Variants in LLGL1 observed in about 807,000 individuals in gnomAD.
LLGL1 encodes LLGL scribble cell polarity complex component 1.
A neutral mutation model predicts 110.6 loss-of-function variants in LLGL1; 58 were observed. That is an observed-to-expected ratio of 0.52 (90% CI 0.42 to 0.65). The LOEUF (loss-of-function observed/expected upper bound fraction) is 0.65. LLGL1 is among the 30% of genes least tolerant of loss of function. LLGL1 has a pLI of 0.00. For missense variants in LLGL1, 1,229 were observed against 1,462.1 expected, an observed-to-expected ratio of 0.84 and a Z score of 2.60; for synonymous variants, 674 against 607.2, an observed-to-expected ratio of 1.11 and a Z score of -1.62.
Position 18,242,839 on chromosome 17 carries a change from G to A in LLGL1, c.*1+17G>A. 3 of 1,540,290 alleles carry A rather than the reference G, an allele frequency of 1.9e-6. No individual in the cohort carries two copies. In the South Asian group the frequency reaches 3.6e-5, roughly 19 times the overall value. On this transcript the variant is annotated intron_variant, in intron 22 of 22. Coordinates refer to ENST00000316843, the MANE Select transcript of LLGL1 (RefSeq NM_004140.4). ...TCAAATGAGGTGCTGCAGGGGTGGG[G>A]CCCTGGTCCTCACCACTGGTGACGT...
chr17:18,236,791 G>T, intron 12 of LLGL1, 31 bp downstream of exon 12: 1 of 1,612,666 alleles, frequency 6.2e-7, no homozygotes, highest in Non-Finnish European at 8.5e-7. Context: ...TGATGAGCTG[G>T]TCCTGACCCC....
In LLGL1 at chr17:18,225,645, C is replaced by T. The variant is rs1000506511; in HGVS notation, c.-38C>T. 463 of 875,040 alleles carry T rather than the reference C, an allele frequency of 5.3e-4. 1 individual carries two copies. In the African/African-American group the frequency reaches 7.8e-3, roughly 15 times the overall value. 54.2% of individuals were successfully genotyped at this position (875,040 alleles called of 1,614,324 possible). On this transcript the variant is annotated 5_prime_UTR_variant, in exon 1 of 23. Transcript: ENST00000316843. ...GGGGCCGCGCGGCGCATCCTGCGGG[C>T]GGCGGCGGCGGGCGAGGCGCCTGCA...
At position 18,240,931 on chromosome 17, in the gene LLGL1, AT is replaced by A; in HGVS notation, c.2502+59del. ...GGACTCCCCTCCAGGCCCCAACCTC[AT>A]GGACACCATTGGACCCTCAAGAAAC... On this transcript the variant is annotated intron_variant, in intron 17 of 22. Coordinates refer to ENST00000316843, the MANE Select transcript of LLGL1 (RefSeq NM_004140.4). The surrounding 1 kb of genome is among the most constrained non-coding windows in gnomAD (Gnocchi z 5.3). 2 of 1,449,406 alleles carry A rather than the reference AT, an allele frequency of 1.4e-6. No homozygotes were observed. The highest frequency in any genetic ancestry group is 1.8e-6 in the Non-Finnish European group (2 of 1,085,194). The allele number at this position is 1,449,406 out of a possible 1,614,324, so 89.8% of individuals were successfully genotyped here.
chr17:18,232,567 G>C lies in LLGL1; in HGVS notation c.252G>C (p.Leu84Phe). The C allele has an allele frequency of 1.9e-6, 3 of 1,614,086 alleles. No individual in the cohort carries two copies. Among genetic ancestry groups the C allele is most frequent in the Non-Finnish European group, 2.5e-6 (3 of 1,179,994 alleles). Residue 84 changes from leucine to phenylalanine, a missense_variant, in exon 3 of 23, where the codon TTG becomes TTC. Transcript: ENST00000316843. ...CCACTGTCACACAGATGCACTTCTT[G>C]ACCGGCCAGGTGAGCCTCTGCTTCC... ...DAATVTQMHF[L>F]TGQGRLLSLL...
intron 1 of LLGL1, among the ~76,000 whole-genome samples, chr17:18,226,886 T>C (rs889160934): frequency 1.3e-5 from 2 of 152,272 alleles, no homozygotes; most frequent in Admixed American, 1.3e-4. Flanking sequence ...CTCTCAGTGC[T>C]CTTCGAAATT....
At chr17:18,230,084 G>A (rs899876098) in intron 2 of LLGL1, 46 bp downstream of exon 2, 2 of 1,435,594 alleles carry the variant, frequency 1.4e-6, no homozygotes, top group Admixed American at 1.7e-5. Context: ...AGGACCACCT[G>A]CCTGTAGTTC....
At position 18,240,754 on chromosome 17, in the gene LLGL1, G is replaced by A. The variant is rs371253354; in HGVS notation, c.2383G>A (p.Val795Met). Residue 795 changes from valine to methionine, a missense_variant, in exon 17 of 23, where the codon GTG becomes ATG. By Grantham distance (21) the Val-to-Met change is conservative. Coordinates refer to ENST00000316843, the MANE Select transcript of LLGL1 (RefSeq NM_004140.4). This position sits in a 1 kb window ranked among gnomAD's most constrained non-coding sequence, Gnocchi z 5.3. Reference sequence around the variant, plus strand: ...CCGGGCGCCTGTGGTGGCCATTGCCGTGTTGGACGGGCGTGGCCGCCCACT... The same window carrying A: ...CCGGGCGCCTGTGGTGGCCATTGCCATGTTGGACGGGCGTGGCCGCCCACT... ...MHRAPVVAIA[V>M]LDGRGRPLPE... 8.7e-6 allele frequency: 14 copies of A among 1,610,790 alleles called. No individual in the cohort carries two copies. The highest frequency in any genetic ancestry group is 1.7e-5 in the Admixed American group (1 of 59,638).
At chr17:18,235,880 C>T (rs988253050) in intron 11 of LLGL1, 5 of 291,902 alleles carry the variant, frequency 1.7e-5, no homozygotes, top group Non-Finnish European at 2.6e-5. Context: ...CGCTGACGTG[C>T]CCAGTGACTC....
chr17:18,226,267 G>C (rs912664072), intron 1 of LLGL1, among the ~76,000 whole-genome samples: 2 of 152,104 alleles, frequency 1.3e-5, no homozygotes, highest in Admixed American at 6.5e-5. Flanking sequence ...CTCTCTCTCT[G>C]TCTCTGTGGA....
At position 18,226,350 on chromosome 17, in the gene LLGL1, G is replaced by C. The variant is rs556177607; in HGVS notation, c.81+587G>C. Among the ~76,000 whole-genome samples the C allele has an allele frequency of 2.0e-4, 31 of 152,230 alleles. No homozygotes were observed. The South Asian group carries it at 6.4e-3, about 32-fold the overall frequency. ...AGGGGCTCCATTGCGTCCCTGCTCG[G>C]CCCTTGGGACAGCCCTGGGGCCCGG... On this transcript the variant is annotated intron_variant, in intron 1 of 22. Transcript: ENST00000316843.
chr17:18,232,669 C>T lies in LLGL1; in HGVS notation c.262-3C>T. Reference sequence around the variant, plus strand: ...CTAGTTTTCATCTCTGCTCACACACCAGGGCCGCCTCCTGTCCCTGCTTGA... The same window carrying T: ...CTAGTTTTCATCTCTGCTCACACACTAGGGCCGCCTCCTGTCCCTGCTTGA... On this transcript the variant is annotated splice_polypyrimidine_tract_variant and splice_region_variant and intron_variant, in intron 3 of 22. Transcript: ENST00000316843. 1.2e-6 allele frequency: 2 copies of T among 1,614,192 alleles called. No homozygotes were observed. Among genetic ancestry groups the T allele is most frequent in the Non-Finnish European group, 1.7e-6 (2 of 1,180,002 alleles).
rs371026248 is a variant in LLGL1, at chr17:18,240,661, G to A, written c.2290G>A (p.Val764Met). The change falls in exon 17 of 23, where the codon GTG becomes ATG. Residue 764 changes from valine to methionine, a missense_variant. By Grantham distance (21) the Val-to-Met change is conservative. Coordinates refer to ENST00000316843, the MANE Select transcript of LLGL1 (RefSeq NM_004140.4). This position sits in a 1 kb window ranked among gnomAD's most constrained non-coding sequence, Gnocchi z 5.3. ...TGCACTGGAGGTGCCGGCAGCAGCA[G>A]TGGGTGGTGAGAAGCGGCCTGAGCA... ...AYALEVPAAA[V>M]GGEKRPEQAV... is the part of the protein sequence containing the mutation. 6.2e-7 allele frequency: 1 copy of A among 1,613,220 alleles called. No homozygotes were observed. Among genetic ancestry groups the A allele is most frequent in the Admixed American group, 1.7e-5 (1 of 60,022 alleles).
In LLGL1 at chr17:18,240,615, C is replaced by T. The variant is rs2047807298; in HGVS notation, c.2244C>T (p.Asn748=). ...HHGPTMWAGT[N]SGSVFAYALE... ...GGCCCACCATGTGGGCTGGCACCAA[C>T]TCAGGCTCTGTGTTCGCCTATGCAC... Residue 748 remains asparagine, a synonymous_variant, in exon 17 of 23, where the codon AAC becomes AAT. Transcript: ENST00000316843. The surrounding 1 kb of genome is among the most constrained non-coding windows in gnomAD (Gnocchi z 5.3). The T allele has an allele frequency of 5.0e-6, 8 of 1,608,586 alleles. No homozygotes were observed. The highest frequency in any genetic ancestry group is 6.8e-6 in the Non-Finnish European group (8 of 1,176,694).
intron 1 of LLGL1, among the ~76,000 whole-genome samples, chr17:18,229,139 G>A (rs370150624): frequency 1.6e-4 from 25 of 152,318 alleles, no homozygotes; most frequent in African/African-American, 5.5e-4. Flanking sequence ...GAGCTCAGCT[G>A]TGCAGGCTTC....
chr17:18,236,316 G>C (rs2142640729), intron 11 of LLGL1: 1 of 419,044 alleles, frequency 2.4e-6, no homozygotes, highest in Admixed American at 4.0e-5. Context: ...AAAGTCCTCT[G>C]TTCTCTACAT....
chr17:18,237,958 C>A, intron 14 of LLGL1, 109 bp from the exon 15 acceptor site: 1 of 1,394,424 alleles, frequency 7.2e-7, no homozygotes, highest in Non-Finnish European at 9.8e-7. Flanking sequence ...TAGGACTGCG[C>A]CAGAGGGGCT....
chr17:18,229,796 C>T (rs904407955), intron 1 of LLGL1, 145 bp from the exon 2 acceptor site: 6 of 617,888 alleles, frequency 9.7e-6, no homozygotes, highest in Non-Finnish European at 1.7e-5. Flanking sequence ...GTTGAGGACG[C>T]TGAGGCACAG....
At chr17:18,243,092 TTTG>T (rs902155016) in intron 22 of LLGL1, among the ~76,000 whole-genome samples, 1 of 83,344 alleles carries the variant, frequency 1.2e-5, no homozygotes, top group Non-Finnish European at 2.6e-5. Flanking sequence ...CAAGACCAGA[TTTG>T]TTTTGTTTTG....
In LLGL1 at chr17:18,238,387, A is replaced by G. The variant is rs565090706; in HGVS notation, c.2053-69A>G. The G allele has an allele frequency of 5.3e-5, 84 of 1,571,478 alleles. No individual in the cohort carries two copies. In the South Asian group the frequency reaches 8.9e-4, roughly 17 times the overall value. On this transcript the variant is annotated intron_variant, in intron 15 of 22. Transcript: ENST00000316843. ...TGGTAGAGGAATGGTAACAGAACGTAGGGCGCAAAGCAGGATGCAAGCCAC... is the reference window on the plus strand; with the variant it reads ...TGGTAGAGGAATGGTAACAGAACGTGGGGCGCAAAGCAGGATGCAAGCCAC...
Sources: gnomAD v4.1 joint callset for allele counts (sites outside exome capture counted in the v4.1 genomes callset) on GRCh38, gnomAD v4.1.1 for gene constraint, Gnocchi (gnomAD v3.1) non-coding constraint, MANE v1.5 for transcripts, NCBI Gene and HGNC (gene_info 2026-07-23, HGNC 2026-07-21) for gene names.